The following UBA6 variants were observed in gnomAD, a reference collection of about 807,000 sequenced individuals.
UBA6 encodes ubiquitin-like modifier-activating enzyme 6.
Under a neutral mutation model 148.3 loss-of-function variants are expected in UBA6, and 87 were observed. That is an observed-to-expected ratio of 0.59 (90% CI 0.49 to 0.70). UBA6 has a LOEUF of 0.70. Ranked by LOEUF, UBA6 falls within the 30% of genes least tolerant of loss-of-function variation. The pLI, the probability that UBA6 is intolerant of heterozygous loss-of-function variation, is 0.00. For synonymous variants in UBA6, 376 were observed against 401.0 expected (o/e 0.94, Z 0.75); for missense variants, 1,186 against 1,241.2 (o/e 0.96, Z 0.67).
In UBA6 at chr4:67,624,989, C is replaced by CT; in HGVS notation, c.2712+4dup. 1 of 1,582,212 alleles carries CT rather than the reference C, an allele frequency of 6.3e-7. No homozygotes were observed. The highest frequency in any genetic ancestry group is 1.2e-5 in the South Asian group (1 of 86,656). On this transcript the variant is annotated splice_donor_region_variant and intron_variant, in intron 29 of 32. Transcript: ENST00000322244. ...GCATTTTTATTCAAGGAATAATAAA[C>CT]TTACCAAGCCAGAAACTGTAGCAGT...
At position 67,625,054 on chromosome 4, in the gene UBA6, C is replaced by G. The variant is rs780445254; in HGVS notation, c.2652G>C (p.Lys884Asn). The G allele has an allele frequency of 1.9e-6, 3 of 1,612,998 alleles. No individual in the cohort carries two copies. The highest frequency in any genetic ancestry group is 2.5e-6 in the Non-Finnish European group (3 of 1,179,230). ...CAGGTATAATTTTACCAGCTATGCGCTTTGTTTTGAAACGGTCAGCTGGTT... is the reference window on the plus strand; with the variant it reads ...CAGGTATAATTTTACCAGCTATGCGGTTTGTTTTGAAACGGTCAGCTGGTT... ...SIEPADRFKT[K>N]RIAGKIIPAI... The change falls in exon 29 of 33, where the codon AAG becomes AAC. Residue 884 changes from lysine to asparagine, a missense_variant. Coordinates refer to ENST00000322244, the MANE Select transcript of UBA6 (RefSeq NM_018227.6).
chr4:67,663,090 A>T (rs1266001379), intron 12 of UBA6, 49 bp downstream of exon 12: 2 of 1,358,550 alleles, frequency 1.5e-6, no homozygotes, highest in Non-Finnish European at 2.1e-6. Flanking sequence ...TTTCTGAACT[A>T]CTACTTTTAT....
At chr4:67,666,329 C>T (rs1035233969) in intron 9 of UBA6, among the ~76,000 whole-genome samples, 1 of 151,164 alleles carries the variant, frequency 6.6e-6, no homozygotes, top group Non-Finnish European at 1.5e-5. Flanking sequence ...GTAAGCCCCC[C>T]CTTTACTTAA....
chr4:67,652,412 A>G (rs544457708), intron 13 of UBA6, among the ~76,000 whole-genome samples: 20 of 152,364 alleles, frequency 1.3e-4, no homozygotes, highest in Admixed American at 6.5e-4. Context: ...AAAAATGTTT[A>G]AAATCATATA....
At chr4:67,680,073 C>T (rs1290480203) in intron 4 of UBA6, among the ~76,000 whole-genome samples, 1 of 152,124 alleles carries the variant, frequency 6.6e-6, no homozygotes, top group Non-Finnish European at 1.5e-5. Flanking sequence ...CAGGAAACCA[C>T]TGATTTTGAA....
chr4:67,661,947 A>G, intron 13 of UBA6: 1 of 450,410 alleles, frequency 2.2e-6, no homozygotes, highest in Non-Finnish European at 3.9e-6. Context: ...ATTAATTACT[A>G]TATGTCACAT....
chr4:67,630,634 A>C, intron 25 of UBA6, 99 bp from the exon 26 acceptor site: 1 of 728,200 alleles, frequency 1.4e-6, no homozygotes, highest in Non-Finnish European at 2.1e-6. Context: ...GTTTGAAGAA[A>C]TATAACCACA....
At chr4:67,663,768 T>A in intron 11 of UBA6, 117 bp downstream of exon 11, 1 of 832,924 alleles carries the variant, frequency 1.2e-6, no homozygotes, top group Non-Finnish European at 2.0e-6. Context: ...TATACTCACA[T>A]TATAAGGCCC....
intron 30 of UBA6, among the ~76,000 whole-genome samples, chr4:67,623,592 A>T (rs1728801519): frequency 6.6e-6 from 1 of 152,186 alleles, no homozygotes. Context: ...ATGCCAGAAT[A>T]ATTATCTTGC....
intron 14 of UBA6, among the ~76,000 whole-genome samples, chr4:67,647,986 G>T (rs1729461170): frequency 6.6e-6 from 1 of 150,920 alleles, no homozygotes; most frequent in Non-Finnish European, 1.5e-5. Context: ...TGTTAGCCAG[G>T]ATGGTCTTGA....
At chr4:67,622,581 A>G (rs750744379) in intron 32 of UBA6, among the ~76,000 whole-genome samples, 5 of 152,192 alleles carry the variant, frequency 3.3e-5, no homozygotes, top group Admixed American at 6.5e-5. Context: ...GTCTCAACAT[A>G]AGAGACGGAT....
At chr4:67,648,269 C>A (rs552206878) in intron 14 of UBA6, among the ~76,000 whole-genome samples, 108 of 151,102 alleles carry the variant, frequency 7.1e-4, no homozygotes, top group East Asian at 1.0e-3. Context: ...GAGTTTGAGA[C>A]CAGTCTGGCC....
At chr4:67,694,570 TG>T (rs1730786838) in intron 2 of UBA6, among the ~76,000 whole-genome samples, 1 of 150,408 alleles carries the variant, frequency 6.6e-6, no homozygotes, top group African/African-American at 2.4e-5. Context: ...GCTAATTTTT[TG>T]TATTTTTAGT....
chr4:67,688,459 T>C (rs1034361264), intron 2 of UBA6, among the ~76,000 whole-genome samples: 1 of 151,618 alleles, frequency 6.6e-6, no homozygotes, highest in Non-Finnish European at 1.5e-5. Context: ...CCATCAGAGG[T>C]AGTAAAAAAA....
chr4:67,669,187 A>T (rs1478113104), intron 8 of UBA6, among the ~76,000 whole-genome samples: 1 of 152,196 alleles, frequency 6.6e-6, no homozygotes. Context: ...AGATAACACC[A>T]ATGCAATAAG....
intron 7 of UBA6, among the ~76,000 whole-genome samples, chr4:67,670,823 A>G (rs904335295): frequency 2.1e-5 from 3 of 146,036 alleles, no homozygotes; most frequent in Admixed American, 6.9e-5. Context: ...GAATATCAGC[A>G]TATCATCTTT....
chr4:67,665,151 T>TA (rs747955977), intron 10 of UBA6, 38 bp downstream of exon 10: 1 of 1,328,144 alleles, frequency 7.5e-7, no homozygotes, highest in Non-Finnish European at 1.0e-6. Context: ...TCTTTTTCTG[T>TA]AAAAAAATGT....
intron 9 of UBA6, among the ~76,000 whole-genome samples, chr4:67,666,626 A>T (rs1365347381): frequency 1.3e-5 from 2 of 152,112 alleles, no homozygotes; most frequent in Non-Finnish European, 2.9e-5. Context: ...CTGTAATGCC[A>T]ACACTTTGGG....
intron 2 of UBA6, among the ~76,000 whole-genome samples, chr4:67,686,952 TAAAA>T (rs546442640): frequency 1.0e-4 from 6 of 57,182 alleles, no homozygotes; most frequent in East Asian, 6.4e-4. Flanking sequence ...ATCCTGTCTC[TAAAA>T]AAAAAAAAAA....
Sources: allele counts gnomAD v4.1 joint callset (sites outside exome capture counted in the v4.1 genomes callset), GRCh38; gene constraint gnomAD v4.1.1; transcripts MANE v1.5; gene names NCBI Gene and HGNC (gene_info 2026-07-23, HGNC 2026-07-21).